Variants in PLXNA4 observed in about 807,000 individuals in gnomAD.
The protein encoded by PLXNA4 is plexin A4.
Under a neutral mutation model 191.8 loss-of-function variants are expected in PLXNA4, and 44 were observed. The ratio of observed to expected loss-of-function variants is 0.23; its 90% CI spans 0.18 to 0.29. The LOEUF is 0.29. PLXNA4 is among the 10% of genes least tolerant of loss of function. PLXNA4 has a pLI of 1.00. For synonymous variants in PLXNA4, 1,082 were observed against 1,009.5 expected, an observed-to-expected ratio of 1.07 and a Z score of -1.36; for missense variants, 1,800 against 2,488.8, an observed-to-expected ratio of 0.72 and a Z score of 5.89.
At chr7:132,363,537 C>A (rs530081873) in intron 3 of PLXNA4, among the ~76,000 whole-genome samples, 47 of 152,346 alleles carry the variant, frequency 3.1e-4, no homozygotes, top group Non-Finnish European at 6.0e-4. Context: ...CTTTTTAAGA[C>A]TGAATATTAT....
chr7:132,611,804 T>TA (rs1316975874), intron 2 of PLXNA4, among the ~76,000 whole-genome samples: 6 of 152,116 alleles, frequency 3.9e-5, no homozygotes, highest in Middle Eastern at 3.2e-3. Flanking sequence ...TGCTCTCAGC[T>TA]AAAAAGAGAT....
intron 4 of PLXNA4, among the ~76,000 whole-genome samples, chr7:132,265,603 C>T (rs1799819931): frequency 6.6e-6 from 1 of 152,194 alleles, no homozygotes; most frequent in Non-Finnish European, 1.5e-5. Context: ...CAGACAAGAT[C>T]AGTGGGGTCC....
At chr7:132,502,188 G>A (rs895669567) in intron 2 of PLXNA4, among the ~76,000 whole-genome samples, 21 of 152,204 alleles carry the variant, frequency 1.4e-4, no homozygotes, top group Admixed American at 3.9e-4. Flanking sequence ...ACCAACCTGA[G>A]TAACCACCCA....
chr7:132,151,560 A>AAGGAGGAGGAGGAGG (rs1795640165), intron 25 of PLXNA4, among the ~76,000 whole-genome samples: 1 of 33,592 alleles, frequency 3.0e-5, no homozygotes, highest in Non-Finnish European at 6.1e-5. Context: ...GGAGGAGGAG[A>AAGGAGGAGGAGGAGG]AAGGAGGAGG....
chr7:132,295,760 G>T, intron 4 of PLXNA4, among the ~76,000 whole-genome samples: 1 of 152,088 alleles, frequency 6.6e-6, no homozygotes, highest in East Asian at 1.9e-4. Context: ...CTGACTCTAA[G>T]CACGGCCAGT....
intron 5 of PLXNA4, among the ~76,000 whole-genome samples, chr7:132,239,030 G>A (rs748579106): frequency 9.8e-5 from 15 of 152,302 alleles, no homozygotes; most frequent in Non-Finnish European, 1.3e-4. Flanking sequence ...TGCACTTGGG[G>A]GCAGGCGCCC....
At chr7:132,210,166 G>A (rs868171617) in intron 10 of PLXNA4, among the ~76,000 whole-genome samples, 1 of 152,190 alleles carries the variant, frequency 6.6e-6, no homozygotes, top group South Asian at 2.1e-4. Context: ...TATGTGTCTA[G>A]TGTTTGTCTC....
chr7:132,513,254 AT>A, intron 1 of PLXNA4, among the ~76,000 whole-genome samples: 1 of 152,258 alleles, frequency 6.6e-6, no homozygotes, highest in Non-Finnish European at 1.5e-5. Flanking sequence ...GAAAGTTATT[AT>A]AGAGTCGTTT....
chr7:132,605,514 G>A (rs1317095652), intron 2 of PLXNA4, among the ~76,000 whole-genome samples: 1 of 152,066 alleles, frequency 6.6e-6, no homozygotes, highest in African/African-American at 2.4e-5. Flanking sequence ...GTGCTTGGGG[G>A]GCCTGTTAGG....
chr7:132,481,710 C>T (rs1311581270), intron 3 of PLXNA4, among the ~76,000 whole-genome samples: 3 of 152,182 alleles, frequency 2.0e-5, no homozygotes, highest in Non-Finnish European at 2.9e-5. Flanking sequence ...AGGCCAAAGG[C>T]AGAAGATATG....
intron 4 of PLXNA4, among the ~76,000 whole-genome samples, chr7:132,291,034 C>T (rs1369572586): frequency 6.6e-6 from 1 of 152,204 alleles, no homozygotes; most frequent in African/African-American, 2.4e-5. Flanking sequence ...ACTAAATCCC[C>T]ATTTCACAGG....
chr7:132,568,121 G>A (rs1801816274), intron 1 of PLXNA4, among the ~76,000 whole-genome samples: 1 of 152,196 alleles, frequency 6.6e-6, no homozygotes. Context: ...CTAGCTAGAA[G>A]CAATGACTTA....
chr7:132,414,062 G>A (rs1381202100), intron 3 of PLXNA4, among the ~76,000 whole-genome samples: 3 of 152,316 alleles, frequency 2.0e-5, no homozygotes, highest in East Asian at 3.9e-4. Flanking sequence ...ATAATTTGGG[G>A]GAGCACTGGG....
intron 1 of PLXNA4, among the ~76,000 whole-genome samples, chr7:132,524,709 C>T (rs987589466): frequency 1.3e-5 from 2 of 151,902 alleles, no homozygotes; most frequent in Non-Finnish European, 2.9e-5. Flanking sequence ...CTGAGTAGCT[C>T]GGTGCCCATC....
chr7:132,140,552 T>TG, intron 30 of PLXNA4, 47 bp downstream of exon 30: 24 of 1,601,808 alleles, frequency 1.5e-5, no homozygotes, highest in Non-Finnish European at 2.0e-5. Context: ...AGGGAGCTGC[T>TG]GGCTCCAGCA....
In PLXNA4 at chr7:132,203,942, G is replaced by T. The variant is rs112902817; in HGVS notation, c.2299-523C>A. Among the ~76,000 whole-genome samples, 202 of 152,314 alleles carry T rather than the reference G, an allele frequency of 1.3e-3. 1 individual carries two copies. Among genetic ancestry groups the T allele is most frequent in the African/African-American group, 4.7e-3 (196 of 41,568 alleles). On this transcript the variant is annotated intron_variant, in intron 10 of 31. Transcript: ENST00000321063. The stretch of plus-strand genomic sequence containing the variant: ...GGGGTGATCACTTCCCAGGCAGGGC[G>T]GTGGTTGCAGAGACTAAGAAATGAA...
intron 3 of PLXNA4, among the ~76,000 whole-genome samples, chr7:132,446,173 G>T (rs1403989611): frequency 2.6e-5 from 4 of 152,234 alleles, no homozygotes; most frequent in South Asian, 2.1e-4. Flanking sequence ...TACCGTTGTT[G>T]ATGGTTAAAC....
intron 2 of PLXNA4, among the ~76,000 whole-genome samples, chr7:132,596,584 C>T (rs975534665): frequency 1.3e-5 from 2 of 152,150 alleles, no homozygotes; most frequent in Non-Finnish European, 2.9e-5. Flanking sequence ...GGCTTTTATG[C>T]TTTAATTAAA....
intron 3 of PLXNA4, among the ~76,000 whole-genome samples, chr7:132,481,299 G>A (rs1797324534): frequency 6.6e-6 from 1 of 152,040 alleles, no homozygotes; most frequent in African/African-American, 2.4e-5. Flanking sequence ...CTGAGCAACA[G>A]GCTCCAGGGT....
Sources: gnomAD v4.1 joint callset for allele counts (sites outside exome capture counted in the v4.1 genomes callset) on GRCh38, gnomAD v4.1.1 for gene constraint, MANE v1.5 for transcripts, NCBI Gene and HGNC (gene_info 2026-07-23, HGNC 2026-07-21) for gene names.